The following FARS2 variants were observed in gnomAD, a reference collection of about 807,000 sequenced individuals.
The protein encoded by FARS2 is phenylalanyl-tRNA synthetase 2, mitochondrial, also known as phenylalanine--tRNA ligase, mitochondrial.
Under a neutral mutation model 46.4 loss-of-function variants are expected in FARS2, and 40 were observed. That is an observed-to-expected ratio of 0.86 (90% confidence interval 0.67 to 1.12). FARS2 has a LOEUF of 1.12. Ranked by LOEUF, FARS2 falls within the 50% of genes most tolerant of loss-of-function variation. FARS2 has a pLI of 0.00. For synonymous variants in FARS2, 234 were observed against 214.9 expected (o/e 1.09, Z -0.78); for missense variants, 513 against 567.9 (o/e 0.90, Z 0.98).
At chr6:5,530,648 T>A (rs980463601) in intron 4 of FARS2, among the ~76,000 whole-genome samples, 2 of 147,296 alleles carry the variant, frequency 1.4e-5, no homozygotes, top group Non-Finnish European at 3.0e-5. Context: ...TTGTAATATT[T>A]AAAAATATAT....
At chr6:5,315,661 C>T (rs1340433778) in intron 1 of FARS2, among the ~76,000 whole-genome samples, 1 of 148,168 alleles carries the variant, frequency 6.7e-6, no homozygotes, top group African/African-American at 2.5e-5. Context: ...CTACTCTTGC[C>T]AACATATTAT....
chr6:5,713,613 T>C (rs1446417617), intron 6 of FARS2, among the ~76,000 whole-genome samples: 1 of 152,248 alleles, frequency 6.6e-6, no homozygotes. Context: ...AATTCAGGAC[T>C]CCGGATTGCT....
intron 4 of FARS2, among the ~76,000 whole-genome samples, chr6:5,522,249 C>G (rs989472919): frequency 4.6e-5 from 7 of 152,216 alleles, no homozygotes; most frequent in African/African-American, 1.7e-4. Flanking sequence ...CTCCCAAGCC[C>G]AGACCTGGAA....
At chr6:5,544,407 C>G (rs1358425329) in intron 4 of FARS2, among the ~76,000 whole-genome samples, 1 of 52,316 alleles carries the variant, frequency 1.9e-5, no homozygotes, top group Non-Finnish European at 3.7e-5. Context: ...CTGTTAGTGT[C>G]CAGTTGGAAT....
intron 5 of FARS2, among the ~76,000 whole-genome samples, chr6:5,559,839 C>T (rs766496968): frequency 2.6e-5 from 4 of 152,084 alleles, no homozygotes; most frequent in African/African-American, 7.3e-5. Flanking sequence ...AACACACCTG[C>T]GCACTATGCT....
At chr6:5,611,030 A>G (rs1469889598) in intron 5 of FARS2, among the ~76,000 whole-genome samples, 1 of 152,260 alleles carries the variant, frequency 6.6e-6, no homozygotes, top group Non-Finnish European at 1.5e-5. Flanking sequence ...AATACCTGCA[A>G]TGTAACAGGG....
intron 2 of FARS2, among the ~76,000 whole-genome samples, chr6:5,374,927 G>C (rs973027607): frequency 1.3e-5 from 2 of 151,974 alleles, no homozygotes; most frequent in African/African-American, 4.8e-5. Flanking sequence ...TAGAAATAGA[G>C]GGAAACTTCC....
intron 4 of FARS2, among the ~76,000 whole-genome samples, chr6:5,437,792 A>T (rs1045392480): frequency 2.0e-5 from 3 of 152,160 alleles, no homozygotes; most frequent in Non-Finnish European, 2.9e-5. Context: ...TTTTTAAAAA[A>T]TTAAGAGGAA....
At chr6:5,291,451 A>G (rs1265285734) in intron 1 of FARS2, 1 of 152,234 alleles carries the variant, frequency 6.6e-6, no homozygotes, top group African/African-American at 2.4e-5. Context: ...TGGTGATCCC[A>G]ACTTCCTAAA....
intron 6 of FARS2, among the ~76,000 whole-genome samples, chr6:5,718,282 G>A (rs1201390124): frequency 1.3e-5 from 2 of 152,122 alleles, no homozygotes; most frequent in Admixed American, 1.3e-4. Flanking sequence ...ACCCTTCCAT[G>A]CTAGACTGAA....
At chr6:5,374,244 A>G (rs900482049) in intron 2 of FARS2, among the ~76,000 whole-genome samples, 39 of 152,088 alleles carry the variant, frequency 2.6e-4, no homozygotes, top group African/African-American at 9.4e-4. Flanking sequence ...AAAATTTCCA[A>G]ATAAAAGGCT....
chr6:5,377,067 G>A (rs761761145), intron 2 of FARS2, among the ~76,000 whole-genome samples: 1 of 152,198 alleles, frequency 6.6e-6, no homozygotes, highest in South Asian at 2.1e-4. Context: ...GCTTCCAAAC[G>A]AAATTTTTAG....
Position 5,369,163 on chromosome 6 carries a change from G to T in FARS2, c.593G>T (p.Arg198Leu), listed in dbSNP as rs750702672. ...ATTTTCCACCAGCTGGAGGCCGTGC[G>T]GCTCTTCTCCAAGCATGAGGTGAGT... ...YPIFHQLEAV[R>L]LFSKHELFAG... The change falls in exon 2 of 7, where the codon CGG becomes CTG. Residue 198 changes from arginine to leucine, a missense_variant. Physicochemically the swap from Arg to Leu is moderately radical, Grantham distance 102 (BLOSUM62 -2). Coordinates refer to ENST00000274680, the MANE Select transcript of FARS2 (RefSeq NM_006567.5). 3 of 1,607,954 alleles carry T rather than the reference G, an allele frequency of 1.9e-6. No individual in the cohort carries two copies. Among genetic ancestry groups the T allele is most frequent in the South Asian group, 1.1e-5 (1 of 91,054 alleles).
intron 2 of FARS2, among the ~76,000 whole-genome samples, chr6:5,379,368 G>C (rs888784670): frequency 6.6e-6 from 1 of 152,142 alleles, no homozygotes; most frequent in Non-Finnish European, 1.5e-5. Context: ...TATGGAAACC[G>C]CACAGTAACT....
At chr6:5,288,525 T>C (rs975501330) in intron 1 of FARS2, among the ~76,000 whole-genome samples, 1 of 152,210 alleles carries the variant, frequency 6.6e-6, no homozygotes, top group Admixed American at 6.5e-5. Context: ...AAATATACTT[T>C]CTAATGCTAC....
In FARS2 at chr6:5,662,588, C is replaced by T. The variant is rs144565613; in HGVS notation, c.1217+49268C>T. On this transcript the variant is annotated intron_variant, in intron 6 of 6. Transcript: ENST00000274680. ...TTCACCGTTTGAACTAACTCAGGGA[C>T]GGGTGTCTCTAGATCCATCCAAATG... Among the ~76,000 whole-genome samples, 666 of 152,288 alleles carry T rather than the reference C, an allele frequency of 4.4e-3. 3 individuals carry two copies. The highest frequency in any genetic ancestry group is 0.013 in the African/African-American group (557 of 41,560).
intron 6 of FARS2, among the ~76,000 whole-genome samples, chr6:5,634,806 C>T (rs1776464509): frequency 6.6e-6 from 1 of 152,182 alleles, no homozygotes; most frequent in Non-Finnish European, 1.5e-5. Flanking sequence ...AATGCAAAGC[C>T]TCTGTGTGCC....
intron 6 of FARS2, among the ~76,000 whole-genome samples, chr6:5,734,452 C>T (rs557366273): frequency 6.6e-5 from 10 of 152,262 alleles, no homozygotes; most frequent in Admixed American, 1.3e-4. Flanking sequence ...AGGGGCCATG[C>T]ATCTGTGGGC....
chr6:5,647,827 C>A (rs1303461270), intron 6 of FARS2, among the ~76,000 whole-genome samples: 1 of 152,168 alleles, frequency 6.6e-6, no homozygotes, highest in Non-Finnish European at 1.5e-5. Context: ...TTTCTAAATC[C>A]TCCTCCTTTT....
Sources: allele counts gnomAD v4.1 joint callset (sites outside exome capture counted in the v4.1 genomes callset), GRCh38; gene constraint gnomAD v4.1.1; transcripts MANE v1.5; gene names NCBI Gene and HGNC (gene_info 2026-07-23, HGNC 2026-07-21).